The following EXOC6B variants were observed in gnomAD, a reference collection of about 807,000 sequenced individuals.
The protein encoded by EXOC6B is exocyst complex component 6B.
In EXOC6B, 54 loss-of-function variants were observed where a neutral mutation model predicts 113.5. That is an observed-to-expected ratio of 0.48 (90% CI 0.38 to 0.60). EXOC6B has a LOEUF of 0.60. Among genes scored for constraint, EXOC6B ranks in the 20% least tolerant of loss-of-function variants. The pLI, the probability that EXOC6B is intolerant of heterozygous loss-of-function variation, is 0.00. For missense variants in EXOC6B, 797 were observed against 977.5 expected (o/e 0.82, Z 2.46); for synonymous variants, 357 against 339.0 (o/e 1.05, Z -0.58).
intron 17 of EXOC6B, among the ~76,000 whole-genome samples, chr2:72,478,250 A>G (rs533421303): frequency 1.3e-5 from 2 of 152,342 alleles, no homozygotes; most frequent in East Asian, 1.9e-4. Context: ...TAAGAGAGTG[A>G]GGAAAATCTT....
chr2:72,583,563 A>G (rs1360238001), intron 6 of EXOC6B, among the ~76,000 whole-genome samples: 1 of 152,214 alleles, frequency 6.6e-6, no homozygotes, highest in Non-Finnish European at 1.5e-5. Flanking sequence ...CAGTATTGTT[A>G]CAGAAGAGAA....
chr2:72,471,947 A>G (rs755035801), intron 17 of EXOC6B, among the ~76,000 whole-genome samples: 27 of 152,150 alleles, frequency 1.8e-4, no homozygotes, highest in Non-Finnish European at 3.7e-4. Flanking sequence ...GTTGAATTTT[A>G]TCAAATGCTT....
At chr2:72,242,918 AG>A (rs1270632153) in intron 20 of EXOC6B, among the ~76,000 whole-genome samples, 1 of 152,052 alleles carries the variant, frequency 6.6e-6, no homozygotes, top group African/African-American at 2.4e-5. Context: ...TTTTTTTTGT[AG>A]AGATGGGGTC....
At chr2:72,275,672 G>A (rs1684768983) in intron 20 of EXOC6B, among the ~76,000 whole-genome samples, 1 of 152,104 alleles carries the variant, frequency 6.6e-6, no homozygotes, top group Non-Finnish European at 1.5e-5. Context: ...ATTGGCCCTG[G>A]ACATATCCTG....
At chr2:72,202,545 G>T (rs1282546093) in intron 20 of EXOC6B, among the ~76,000 whole-genome samples, 10 of 152,214 alleles carry the variant, frequency 6.6e-5, no homozygotes, top group Admixed American at 6.5e-4. Flanking sequence ...TGGAAGCAGA[G>T]TTCCCTCTAG....
chr2:72,261,895 G>T (rs139131639), intron 20 of EXOC6B, among the ~76,000 whole-genome samples: 5 of 152,048 alleles, frequency 3.3e-5, no homozygotes, highest in Non-Finnish European at 4.4e-5. Flanking sequence ...GAAATGAAAC[G>T]CAATGCCTTA....
chr2:72,355,988 A>G (rs1572961019), intron 19 of EXOC6B, among the ~76,000 whole-genome samples: 3 of 152,300 alleles, frequency 2.0e-5, no homozygotes, highest in Admixed American at 2.0e-4. Context: ...TCAAATGTCT[A>G]AGATATAATT....
intron 6 of EXOC6B, among the ~76,000 whole-genome samples, chr2:72,700,814 G>A (rs1198469676): frequency 1.3e-5 from 2 of 152,198 alleles, no homozygotes; most frequent in African/African-American, 2.4e-5. Context: ...AGCCAGGCAT[G>A]ATGGAGGGTG....
intron 6 of EXOC6B, among the ~76,000 whole-genome samples, chr2:72,637,386 T>C (rs1264651971): frequency 4.6e-5 from 7 of 151,914 alleles, no homozygotes; most frequent in African/African-American, 7.3e-5. Flanking sequence ...TATCCACCAA[T>C]GAAGGTCAAA....
chr2:72,756,954 T>C (rs756071084), intron 1 of EXOC6B, among the ~76,000 whole-genome samples: 2 of 152,198 alleles, frequency 1.3e-5, no homozygotes, highest in African/African-American at 2.4e-5. Flanking sequence ...ATATTTTAAT[T>C]CAATTCTATA....
intron 1 of EXOC6B, among the ~76,000 whole-genome samples, chr2:72,802,232 G>GGAGAATCGCTTGAGGGC (rs1044639271): frequency 1.4e-4 from 22 of 152,000 alleles, no homozygotes; most frequent in African/African-American, 5.3e-4. Flanking sequence ...GGCTGAGGCA[G>GGAGAATCGCTTGAGGGC]GAGAATCGCT....
At chr2:72,393,203 C>T (rs1692497452) in intron 18 of EXOC6B, among the ~76,000 whole-genome samples, 1 of 151,886 alleles carries the variant, frequency 6.6e-6, no homozygotes, top group Admixed American at 6.6e-5. Context: ...AAGCAATTCT[C>T]CTGCCTCAGC....
intron 8 of EXOC6B, among the ~76,000 whole-genome samples, chr2:72,543,348 GA>G (rs1276016072): frequency 1.3e-5 from 2 of 152,096 alleles, no homozygotes; most frequent in African/African-American, 4.8e-5. Flanking sequence ...GTGTTACATG[GA>G]AAATGAATTG....
At chr2:72,341,800 C>T (rs911286435) in intron 19 of EXOC6B, among the ~76,000 whole-genome samples, 10 of 152,036 alleles carry the variant, frequency 6.6e-5, no homozygotes, top group African/African-American at 2.2e-4. Flanking sequence ...ATATTTTTAT[C>T]AAGTGCTCAG....
At chr2:72,631,214 GTA>G (rs527489423) in intron 6 of EXOC6B, among the ~76,000 whole-genome samples, 2 of 151,298 alleles carry the variant, frequency 1.3e-5, no homozygotes, top group Non-Finnish European at 2.9e-5. Flanking sequence ...ATGCATATGT[GTA>G]TATATGTGTG....
chr2:72,660,222 T>C (rs1178984240), intron 6 of EXOC6B, among the ~76,000 whole-genome samples: 1 of 152,124 alleles, frequency 6.6e-6, no homozygotes, highest in Middle Eastern at 3.2e-3. Context: ...AAGCCATTGG[T>C]AATTTAACAA....
intron 19 of EXOC6B, among the ~76,000 whole-genome samples, chr2:72,370,314 A>G (rs966813138): frequency 6.6e-6 from 1 of 152,218 alleles, no homozygotes; most frequent in African/African-American, 2.4e-5. Context: ...ACAATGAGAT[A>G]CCATCTCACA....
At chr2:72,255,079 C>A (rs541424132) in intron 20 of EXOC6B, among the ~76,000 whole-genome samples, 65 of 152,230 alleles carry the variant, frequency 4.3e-4, no homozygotes, top group Non-Finnish European at 8.2e-4. Flanking sequence ...GCTGGACAAC[C>A]TTTTGCTGAA....
intron 6 of EXOC6B, among the ~76,000 whole-genome samples, chr2:72,684,246 C>T (rs1172480044): frequency 6.6e-6 from 1 of 152,034 alleles, no homozygotes; most frequent in African/African-American, 2.4e-5. Flanking sequence ...TCTTATATCC[C>T]TTTCATCTCT....
Sources: allele counts gnomAD v4.1 joint callset (sites outside exome capture counted in the v4.1 genomes callset), GRCh38; gene constraint gnomAD v4.1.1; transcripts MANE v1.5; gene names NCBI Gene and HGNC (gene_info 2026-07-23, HGNC 2026-07-21).